The following TXNRD3 variants were observed in gnomAD, a reference collection of about 807,000 sequenced individuals.
The protein encoded by TXNRD3 is thioredoxin reductase 3, also known as TXNRD3 neighbor gene protein.
A neutral mutation model predicts 78.2 loss-of-function variants in TXNRD3; 68 were observed. The observed-to-expected ratio is 0.87, with a 90% CI of 0.72 to 1.06. The LOEUF is 1.06. Ranked by LOEUF, TXNRD3 falls within the 50% of genes least tolerant of loss-of-function variation. TXNRD3 has a pLI of 0.00. For missense variants in TXNRD3, 751 were observed against 809.5 expected (o/e 0.93, Z 0.88); for synonymous variants, 296 against 300.1 (o/e 0.99, Z 0.14).
Position 126,644,498 on chromosome 3 carries a change from A to G in TXNRD3, c.415-97T>C, listed in dbSNP as rs1933183518. 3.6e-6 allele frequency: 3 copies of G among 827,458 alleles called. No individual in the cohort carries two copies. The East Asian group carries it at 8.1e-5, about 22-fold the overall frequency. 51.3% of individuals were successfully genotyped at this position (827,458 alleles called of 1,614,324 possible). On this transcript the variant is annotated intron_variant, in intron 3 of 15. Coordinates refer to ENST00000524230, the MANE Select transcript of TXNRD3 (RefSeq NM_052883.3). ...TTCAACTGGTATGGATTTCTTTTAT[A>G]AAAATCTTAGGAAAAATCTATAATT...
chr3:126,613,385 C>T (rs1290333951), intron 13 of TXNRD3, among the ~76,000 whole-genome samples: 2 of 152,212 alleles, frequency 1.3e-5, no homozygotes, highest in Non-Finnish European at 2.9e-5. Context: ...TACAGTTATA[C>T]TCTTAGCTAC....
intron 2 of TXNRD3, 99 bp downstream of exon 2, chr3:126,647,137 G>T: frequency 1.1e-6 from 1 of 931,354 alleles, no homozygotes; most frequent in Non-Finnish European, 1.5e-6. Flanking sequence ...CATTTAACCC[G>T]AAGACAAGAG....
At chr3:126,633,817 C>T (rs1938784587) in intron 7 of TXNRD3, 92 bp downstream of exon 7, 5 of 1,057,826 alleles carry the variant, frequency 4.7e-6, no homozygotes, top group Non-Finnish European at 5.1e-6. Context: ...GCCTGTTACA[C>T]CCCTTAACAT....
chr3:126,642,952 G>T (rs936500133), intron 5 of TXNRD3, among the ~76,000 whole-genome samples: 1 of 152,180 alleles, frequency 6.6e-6, no homozygotes, highest in African/African-American at 2.4e-5. Flanking sequence ...TATCACAAAG[G>T]TGTAAGCAGG....
intron 10 of TXNRD3, among the ~76,000 whole-genome samples, chr3:126,624,513 C>A (rs939430003): frequency 1.1e-4 from 17 of 151,846 alleles, no homozygotes; most frequent in African/African-American, 3.9e-4. Flanking sequence ...CTCTGCCTCC[C>A]GGGTTCACGC....
Position 126,654,911 on chromosome 3 carries a change from C to G in TXNRD3, c.80G>C (p.Gly27Ala). 1 of 1,308,482 alleles carries G rather than the reference C, an allele frequency of 7.6e-7. No homozygotes were observed. The highest frequency in any genetic ancestry group is 9.6e-7 in the Non-Finnish European group (1 of 1,036,884). The allele number at this position is 1,308,482 out of a possible 1,614,324, so 81.1% of individuals were successfully genotyped here. A position where few individuals can be genotyped will look rare whatever the true frequency, so the allele number is the denominator to read the frequency against. ...CCCCGGCGGCGACAACACGCGCGCC[C>G]CTCGGACATGGCCCGAGCGGCGGTT... is the stretch of plus-strand genomic sequence containing the variant. The change falls in exon 1 of 16, where the codon GGG becomes GCG. Residue 27 changes from glycine (G) to alanine (A), a missense_variant. Gly to Ala is a moderately conservative substitution (Grantham distance 60). Transcript: ENST00000524230.
chr3:126,626,554 A>C (rs1938583591), intron 10 of TXNRD3, among the ~76,000 whole-genome samples: 1 of 152,238 alleles, frequency 6.6e-6, no homozygotes, highest in Non-Finnish European at 1.5e-5. Flanking sequence ...CTACATCATT[A>C]GTCATCAGGG....
chr3:126,628,238 A>G (rs1054981068), intron 10 of TXNRD3, among the ~76,000 whole-genome samples: 4 of 152,170 alleles, frequency 2.6e-5, no homozygotes, highest in Non-Finnish European at 5.9e-5. Flanking sequence ...TACAGAAAAC[A>G]TTGCTTTTTA....
At chr3:126,626,965 G>A (rs1347876488) in intron 10 of TXNRD3, among the ~76,000 whole-genome samples, 5 of 152,026 alleles carry the variant, frequency 3.3e-5, no homozygotes, top group Admixed American at 2.6e-4. Context: ...GCATGTGCCT[G>A]TGGTCCTAGC....
intron 10 of TXNRD3, among the ~76,000 whole-genome samples, chr3:126,624,607 G>C (rs1349495523): frequency 6.6e-6 from 1 of 152,090 alleles, no homozygotes; most frequent in Non-Finnish European, 1.5e-5. Context: ...ATTTTCAGTA[G>C]AGACGGGGTT....
At chr3:126,640,094 C>CTTTTTTTTT (rs747114940) in intron 6 of TXNRD3, among the ~76,000 whole-genome samples, 1 of 14,320 alleles carries the variant, frequency 7.0e-5, no homozygotes, top group Non-Finnish European at 2.1e-4. Context: ...CTTGTGTTTT[C>CTTTTTTTTT]TTTTTTTTTT....
intron 1 of TXNRD3, 92 bp from the exon 2 acceptor site, chr3:126,647,388 G>A: frequency 1.1e-6 from 1 of 948,700 alleles, no homozygotes. Flanking sequence ...AACAATAAAT[G>A]TTCTGGAGGA....
chr3:126,618,806 C>T (rs1418967738), intron 12 of TXNRD3, among the ~76,000 whole-genome samples: 3 of 142,724 alleles, frequency 2.1e-5, no homozygotes, highest in Admixed American at 1.5e-4. Flanking sequence ...TATTTGTAAA[C>T]TATCCATCTG....
rs1938062270 is a variant in TXNRD3 at position 126,607,143 on chromosome 3, T to A, written c.*762A>T. 6.6e-6 allele frequency: 1 copy of A among 152,216 alleles called. No homozygotes were observed. The highest frequency in any genetic ancestry group is 2.1e-4 in the South Asian group (1 of 4,832). 9.4% of individuals were successfully genotyped at this position (152,216 alleles called of 1,614,324 possible). A position where few individuals can be genotyped will look rare whatever the true frequency, so the allele number is the denominator to read the frequency against. On this transcript the variant is annotated 3_prime_UTR_variant, in exon 16 of 16. Coordinates refer to ENST00000524230, the MANE Select transcript of TXNRD3 (RefSeq NM_052883.3). ...ATTAGTTAGATTTCACATAATACAGTATTAAAAACTTTTGGAAATAATACT... is the reference window on the plus strand; with the variant it reads ...ATTAGTTAGATTTCACATAATACAGAATTAAAAACTTTTGGAAATAATACT...
At position 126,607,860 on chromosome 3, in the gene TXNRD3, T is replaced by G; in HGVS notation, c.*45A>C. 1.0e-4 allele frequency: 150 copies of G among 1,432,748 alleles called. No individual in the cohort carries two copies. The highest frequency in any genetic ancestry group is 1.3e-4 in the Non-Finnish European group (138 of 1,066,264). 88.8% of individuals were successfully genotyped at this position (1,432,748 alleles called of 1,614,324 possible). ...TTTTATCCGAGAGCATTCTTATCTT[T>G]GAGAGAAATGAGAATATGACAAGGA... On this transcript the variant is annotated 3_prime_UTR_variant, in exon 16 of 16. Coordinates refer to ENST00000524230, the MANE Select transcript of TXNRD3 (RefSeq NM_052883.3).
chr3:126,613,422 T>C (rs1227411549), intron 13 of TXNRD3, among the ~76,000 whole-genome samples: 2 of 152,186 alleles, frequency 1.3e-5, no homozygotes, highest in Non-Finnish European at 2.9e-5. Flanking sequence ...TCCTTTACTA[T>C]GTAAAAGCTA....
At position 126,655,047 on chromosome 3, in the gene TXNRD3, G is replaced by A. The variant is rs2107633110; in HGVS notation, c.-57C>T. 1.6e-6 allele frequency: 2 copies of A among 1,289,912 alleles called. No homozygotes were observed. The highest frequency in any genetic ancestry group is 3.2e-5 in the East Asian group (1 of 30,846). 79.9% of individuals were successfully genotyped at this position (1,289,912 alleles called of 1,614,324 possible). On this transcript the variant is annotated 5_prime_UTR_variant, in exon 1 of 16. Transcript: ENST00000524230. ...CTGCTCACAAACCGAAACGCAGGCG[G>A]CTGCGGCGCCGGGACGGGGCCTGAG...
chr3:126,637,277 T>C (rs1932931650), intron 6 of TXNRD3, among the ~76,000 whole-genome samples: 1 of 152,234 alleles, frequency 6.6e-6, no homozygotes, highest in Non-Finnish European at 1.5e-5. Context: ...TTATACTTCT[T>C]TTCTAATGTC....
chr3:126,640,017 G>A, intron 6 of TXNRD3, among the ~76,000 whole-genome samples: 1 of 151,978 alleles, frequency 6.6e-6, no homozygotes, highest in East Asian at 1.9e-4. Context: ...GAGTTGACTG[G>A]AGAAATGTGT....
Sources: allele counts gnomAD v4.1 joint callset (sites outside exome capture counted in the v4.1 genomes callset), GRCh38; gene constraint gnomAD v4.1.1; transcripts MANE v1.5; gene names NCBI Gene and HGNC (gene_info 2026-07-23, HGNC 2026-07-21).